SLC30A7: variants seen among roughly 807,000 people sequenced by gnomAD.
The protein encoded by SLC30A7 is zinc transporter 7.
Under a neutral mutation model 46.0 loss-of-function variants are expected in SLC30A7, and 35 were observed. That is an observed-to-expected ratio of 0.76 (90% CI 0.58 to 1.01). The LOEUF (loss-of-function observed/expected upper bound fraction) is 1.01, where lower values mean the gene tolerates loss of function less well. SLC30A7 is among the 50% of genes least tolerant of loss of function. SLC30A7 has a pLI of 0.00. For missense variants in SLC30A7, 464 were observed against 451.1 expected (o/e 1.03, Z -0.26); for synonymous variants, 147 against 157.8 (o/e 0.93, Z 0.51).
intron 1 of SLC30A7, 29 bp downstream of exon 1, chr1:100,896,371 G>C: frequency 1.2e-6 from 2 of 1,612,192 alleles, no homozygotes; most frequent in Non-Finnish European, 8.5e-7. Context: ...GCGGGGAGGG[G>C]GTGTCCGGCA....
intron 8 of SLC30A7, chr1:100,941,097 GC>G (rs1654318604): frequency 3.2e-6 from 1 of 315,194 alleles, no homozygotes; most frequent in Admixed American, 3.4e-5. Flanking sequence ...AAAAGAATTT[GC>G]CTCCACCACC....
chr1:100,942,059 A>G (rs1330369150), intron 8 of SLC30A7: 6 of 204,434 alleles, frequency 2.9e-5, no homozygotes, highest in African/African-American at 1.2e-4. Flanking sequence ...AGGAAGCACA[A>G]ACAACTTTTA....
At chr1:100,901,773 G>A (rs1169062112) in intron 2 of SLC30A7, among the ~76,000 whole-genome samples, 1 of 152,148 alleles carries the variant, frequency 6.6e-6, no homozygotes, top group Non-Finnish European at 1.5e-5. Flanking sequence ...TCTTTAGAAG[G>A]TAGTCATTTA....
chr1:100,988,380 T>C, the SLC30A7 span, among the ~76,000 whole-genome samples: 1 of 152,222 alleles, frequency 6.6e-6, no homozygotes, highest in Non-Finnish European at 1.5e-5. Context: ...TATTATATTT[T>C]GTCCACAGTT....
intron 8 of SLC30A7, among the ~76,000 whole-genome samples, chr1:100,926,474 A>G (rs1653313654): frequency 6.6e-6 from 1 of 152,124 alleles, no homozygotes; most frequent in Non-Finnish European, 1.5e-5. Flanking sequence ...AAATCTGGAA[A>G]TAAGTCACTA....
chr1:100,972,118 T>C (rs975292177), intron 10 of SLC30A7, among the ~76,000 whole-genome samples: 3 of 152,190 alleles, frequency 2.0e-5, no homozygotes, highest in South Asian at 4.1e-4. Context: ...CCTGGTCCCA[T>C]TCTAGGGGTA....
At position 100,974,787 on chromosome 1, in the gene SLC30A7, CT is replaced by C. The variant is rs533106530; in HGVS notation, c.1084-13del. On this transcript the variant is annotated intron_variant, in intron 10 of 10. Coordinates refer to ENST00000357650, the MANE Select transcript of SLC30A7 (RefSeq NM_133496.5). ...GTTATTAGCTTGTTAGATTTTCTAA[CT>C]TTTTTTTTTCTTACTTTTCAGGCTG... 7.8e-4 allele frequency: 1,136 copies of C among 1,450,490 alleles called. 1 individual carries two copies. Among genetic ancestry groups the C allele is most frequent in the South Asian group, 2.3e-3 (177 of 76,772 alleles). The allele number at this position is 1,450,490 out of a possible 1,614,324, so 89.9% of individuals were successfully genotyped here.
chr1:100,926,502 A>C (rs1036275409), intron 8 of SLC30A7, among the ~76,000 whole-genome samples: 1 of 152,192 alleles, frequency 6.6e-6, no homozygotes, highest in Admixed American at 6.5e-5. Context: ...GACAGCACCA[A>C]GCCATGAGGG....
chr1:100,962,331 T>C (rs546280070), intron 9 of SLC30A7, among the ~76,000 whole-genome samples: 2 of 152,140 alleles, frequency 1.3e-5, no homozygotes, highest in South Asian at 4.2e-4. Context: ...AGTAGATAAA[T>C]AAGAAAATAT....
chr1:100,926,798 A>T (rs938247215), intron 8 of SLC30A7, among the ~76,000 whole-genome samples: 7 of 150,898 alleles, frequency 4.6e-5, no homozygotes, highest in Admixed American at 4.6e-4. Context: ...TTACATTTTA[A>T]TAGGGAGACA....
the SLC30A7 span, among the ~76,000 whole-genome samples, chr1:100,989,255 A>C: frequency 6.6e-6 from 1 of 152,242 alleles, no homozygotes; most frequent in Admixed American, 6.5e-5. Context: ...CTTAAAACTT[A>C]CATTTTTAAA....
intron 8 of SLC30A7, among the ~76,000 whole-genome samples, chr1:100,947,890 C>T (rs1654736615): frequency 1.3e-5 from 2 of 151,832 alleles, no homozygotes; most frequent in Admixed American, 1.3e-4. Context: ...TTTTTGCTTG[C>T]CGTTTGCTTG....
At chr1:100,917,114 AAC>A (rs2101026600) in intron 6 of SLC30A7, among the ~76,000 whole-genome samples, 1 of 152,252 alleles carries the variant, frequency 6.6e-6, no homozygotes, top group Admixed American at 6.5e-5. Context: ...GTATTTTTAT[AAC>A]AGTTACACTG....
intron 8 of SLC30A7, among the ~76,000 whole-genome samples, chr1:100,939,762 T>C (rs1570558452): frequency 1.3e-5 from 2 of 150,238 alleles, no homozygotes; most frequent in East Asian, 3.9e-4. Context: ...GGCAGGAGAA[T>C]GGCATGAACC....
chr1:100,942,669 T>A (rs1044644098), intron 8 of SLC30A7, among the ~76,000 whole-genome samples: 14 of 152,232 alleles, frequency 9.2e-5, no homozygotes, highest in African/African-American at 3.1e-4. Context: ...AGTTCTTGCT[T>A]ATACAGGCAG....
rs1229364412 is a variant in SLC30A7 at position 100,978,587 on chromosome 1, A to G, written c.*3730A>G. 6.6e-6 allele frequency: 1 copy of G among 152,204 alleles called. No homozygotes were observed. Among genetic ancestry groups the G allele is most frequent in the Non-Finnish European group, 1.5e-5 (1 of 68,032 alleles). The allele number at this position is 152,204 out of a possible 1,614,324, so 9.4% of individuals were successfully genotyped here. On this transcript the variant is annotated 3_prime_UTR_variant, in exon 11 of 11. Transcript: ENST00000357650. ...AGAGAAAATTAGTGGCAAAGCCAAA[A>G]AGATTCAGATCTTCTGACTCGAAGT...
chr1:100,924,362 C>G (rs570913236), intron 8 of SLC30A7, among the ~76,000 whole-genome samples: 1 of 152,234 alleles, frequency 6.6e-6, no homozygotes, highest in Non-Finnish European at 1.5e-5. Flanking sequence ...CATATTTCCT[C>G]TATTCAAAAT....
chr1:100,912,077 A>T, intron 4 of SLC30A7, 35 bp from the exon 5 acceptor site: 1 of 1,592,042 alleles, frequency 6.3e-7, no homozygotes, highest in Non-Finnish European at 8.6e-7. Flanking sequence ...CAGAAATAAT[A>T]TCTATGCTAT....
At chr1:100,967,504 AAC>A (rs1655932016) in intron 10 of SLC30A7, among the ~76,000 whole-genome samples, 1 of 152,136 alleles carries the variant, frequency 6.6e-6, no homozygotes, top group African/African-American at 2.4e-5. Context: ...CCCCTGATCT[AAC>A]ACATAGATCT....
Sources: gnomAD v4.1 joint callset for allele counts (sites outside exome capture counted in the v4.1 genomes callset) on GRCh38, gnomAD v4.1.1 for gene constraint, MANE v1.5 for transcripts, NCBI Gene and HGNC (gene_info 2026-07-23, HGNC 2026-07-21) for gene names.